PCDH15: variants seen among roughly 807,000 people sequenced by gnomAD.
PCDH15 encodes the protein protocadherin-15.
In PCDH15, 129 loss-of-function variants were observed where a neutral mutation model predicts 178.5. The observed-to-expected ratio is 0.72, with a 90% confidence interval of 0.63 to 0.84. The LOEUF is 0.84. PCDH15 is among the 40% of genes least tolerant of loss of function. The pLI, the probability that PCDH15 is intolerant of heterozygous loss-of-function variation, is 0.00. For synonymous variants in PCDH15, 800 were observed against 732.0 expected (o/e 1.09, Z -1.50); for missense variants, 2,230 against 2,099.9 (o/e 1.06, Z -1.21).
chr10:54,247,713 C>A (rs980433883), intron 8 of PCDH15, among the ~76,000 whole-genome samples: 8 of 151,622 alleles, frequency 5.3e-5, no homozygotes, highest in African/African-American at 1.9e-4. Context: ...TGTCCTACAA[C>A]AAAATATGCC....
At chr10:55,461,571 C>T (rs1004149129) in intron 2 of PCDH15, among the ~76,000 whole-genome samples, 3 of 151,982 alleles carry the variant, frequency 2.0e-5, no homozygotes, top group Admixed American at 6.6e-5. Context: ...TTCTGGGGCT[C>T]ATTTTATAAT....
At chr10:54,307,045 T>C (rs1220893930) in intron 8 of PCDH15, among the ~76,000 whole-genome samples, 1 of 8,558 alleles carries the variant, frequency 1.2e-4, no homozygotes, top group African/African-American at 4.3e-4. Context: ...TGTGTGTATA[T>C]ATATATATAT....
chr10:53,874,416 A>T (rs1192675910), intron 26 of PCDH15, among the ~76,000 whole-genome samples: 1 of 152,194 alleles, frequency 6.6e-6, no homozygotes, highest in Non-Finnish European at 1.5e-5. Context: ...GACGAAATAC[A>T]GCCCCTCATT....
At chr10:54,626,801 C>G (rs1397789134) in intron 2 of PCDH15, among the ~76,000 whole-genome samples, 1 of 152,136 alleles carries the variant, frequency 6.6e-6, no homozygotes. Flanking sequence ...GGTAGATCCA[C>G]TGACAGCTTG....
chr10:55,582,612 A>ATTTT, intron 2 of PCDH15, among the ~76,000 whole-genome samples: 2 of 88,696 alleles, frequency 2.3e-5, no homozygotes, highest in African/African-American at 6.1e-5. Flanking sequence ...ATATATATAT[A>ATTTT]TATATATATA....
rs565910389 is a variant in PCDH15 at position 55,455,319 on chromosome 10, A to C, written c.-156+172306T>G. 8.7e-4 allele frequency among the ~76,000 whole-genome samples: 133 copies of C among 152,312 alleles called. 3 individuals are homozygous for C. Among genetic ancestry groups the C allele is most frequent in the South Asian group, 8.7e-3 (42 of 4,830 alleles). ...ATTTATAGTTCACTAACTACAATGT[A>C]AAACATCTCTGGAAGATAAAATATT... On this transcript the variant is annotated intron_variant, in intron 2 of 5. Coordinates refer to the PCDH15 transcript ENST00000613346.
chr10:54,836,707 A>T (rs1953323226), intron 3 of PCDH15, among the ~76,000 whole-genome samples: 3 of 152,130 alleles, frequency 2.0e-5, no homozygotes, highest in African/African-American at 7.2e-5. Context: ...AATCAATTCA[A>T]AAAAGATAAC....
chr10:54,167,231 T>C (rs2046326393), intron 13 of PCDH15, among the ~76,000 whole-genome samples: 1 of 152,132 alleles, frequency 6.6e-6, no homozygotes, highest in Admixed American at 6.5e-5. Flanking sequence ...CCTCAGGTCC[T>C]CAGACCGACC....
intron 2 of PCDH15, among the ~76,000 whole-genome samples, chr10:54,550,855 T>C (rs772088894): frequency 6.6e-6 from 1 of 152,062 alleles, no homozygotes; most frequent in Non-Finnish European, 1.5e-5. Context: ...GTTTACATTG[T>C]CTTTAAAAAT....
At chr10:55,426,461 G>A (rs566853683) in intron 2 of PCDH15, among the ~76,000 whole-genome samples, 244 of 152,264 alleles carry the variant, frequency 1.6e-3, no homozygotes, top group African/African-American at 5.5e-3. Context: ...TTTGGGTGCT[G>A]GCAGGAGTTA....
Position 55,405,295 on chromosome 10 carries a change from TATATATATAC to T in PCDH15, c.-156+222320_-156+222329del, listed in dbSNP as rs1172240573. ...GTGTGAGGTAACAGATATATATATA[TATATATATAC>T]AATTTAATGTCATGTAATTAAAGAT... On this transcript the variant is annotated intron_variant, in intron 2 of 5. Transcript: ENST00000613346. Among the ~76,000 whole-genome samples, 54 of 143,330 alleles carry T rather than the reference TATATATATAC, an allele frequency of 3.8e-4. 2 individuals carry two copies. The highest frequency in any genetic ancestry group is 1.3e-3 in the Admixed American group (19 of 14,322). 94.0% of individuals were successfully genotyped at this position (143,330 alleles called of 152,430 possible). A position where few individuals can be genotyped will look rare whatever the true frequency, so the allele number is the denominator to read the frequency against.
At chr10:54,117,549 C>T (rs1051200354) in intron 15 of PCDH15, among the ~76,000 whole-genome samples, 1 of 152,174 alleles carries the variant, frequency 6.6e-6, no homozygotes, top group African/African-American at 2.4e-5. Context: ...CCTGCCCAAC[C>T]AGCAGGTCCT....
intron 1 of PCDH15, among the ~76,000 whole-genome samples, chr10:55,285,653 G>A (rs2132262237): frequency 6.6e-6 from 1 of 151,340 alleles, no homozygotes; most frequent in Non-Finnish European, 1.5e-5. Context: ...AGCACTTCTG[G>A]GTAGTGAGGT....
At position 54,237,368 on chromosome 10, in the gene PCDH15, TATAA is replaced by T. The variant is rs201369253; in HGVS notation, c.877-441_877-438del. ...TTCATACACATCAATTATATTAAAA[TATAA>T]ATAAAGTAAATAATTTCATAAAAAT... On this transcript the variant is annotated intron_variant, in intron 8 of 37. Coordinates refer to ENST00000644397, the MANE Select transcript of PCDH15 (RefSeq NM_001384140.1). Among the ~76,000 whole-genome samples, 627 of 152,146 alleles carry T rather than the reference TATAA, an allele frequency of 4.1e-3. 2 individuals carry two copies. The highest frequency in any genetic ancestry group is 0.014 in the African/African-American group (581 of 41,548).
intron 8 of PCDH15, among the ~76,000 whole-genome samples, chr10:54,270,103 T>C (rs561812199): frequency 6.6e-6 from 1 of 152,212 alleles, no homozygotes; most frequent in East Asian, 1.9e-4. Context: ...TATCTTTTGT[T>C]TCATATTTTT....
chr10:55,323,055 A>G (rs1385785183), upstream of PCDH15, among the ~76,000 whole-genome samples: 1 of 152,184 alleles, frequency 6.6e-6, no homozygotes, highest in Non-Finnish European at 1.5e-5. Context: ...AAAGGGGCCA[A>G]CTTGAAGCTC....
At chr10:54,763,990 A>AT (rs989677217) in intron 1 of PCDH15, among the ~76,000 whole-genome samples, 3 of 151,736 alleles carry the variant, frequency 2.0e-5, no homozygotes, top group Non-Finnish European at 4.4e-5. Flanking sequence ...GTAAAAAGGG[A>AT]TTTTTTTAAT....
intron 18 of PCDH15, among the ~76,000 whole-genome samples, chr10:54,048,849 TTC>T (rs1285496275): frequency 2.0e-5 from 3 of 152,046 alleles, no homozygotes; most frequent in Admixed American, 6.6e-5. Context: ...GCTATTCAGG[TTC>T]TTTTTTGTTT....
intron 2 of PCDH15, among the ~76,000 whole-genome samples, chr10:54,543,891 C>T (rs2085541963): frequency 6.6e-6 from 1 of 152,162 alleles, no homozygotes; most frequent in Non-Finnish European, 1.5e-5. Flanking sequence ...TCCCAATGCA[C>T]TTTCTCTAAG....
Sources: allele counts gnomAD v4.1 joint callset (sites outside exome capture counted in the v4.1 genomes callset), GRCh38; gene constraint gnomAD v4.1.1; transcripts MANE v1.5; gene names NCBI Gene and HGNC (gene_info 2026-07-23, HGNC 2026-07-21).